HPSE2: variants seen among roughly 807,000 people sequenced by gnomAD.
HPSE2 encodes the protein inactive heparanase-2.
A neutral mutation model predicts 60.5 loss-of-function variants in HPSE2; 38 were observed. The ratio of observed to expected loss-of-function variants is 0.63; its 90% confidence interval spans 0.48 to 0.82. The LOEUF (loss-of-function observed/expected upper bound fraction) is 0.82. HPSE2 is among the 40% of genes least tolerant of loss of function. The probability of loss-of-function intolerance (pLI) is 0.00; values close to 1 mark genes in which losing one functional copy is unlikely to be tolerated. For synonymous variants in HPSE2, 295 were observed against 293.2 expected, an observed-to-expected ratio of 1.01 and a Z score of -0.06; for missense variants, 713 against 740.4, an observed-to-expected ratio of 0.96 and a Z score of 0.43.
At chr10:98,722,679 G>A (rs182119927) in intron 4 of HPSE2, among the ~76,000 whole-genome samples, 1 of 152,190 alleles carries the variant, frequency 6.6e-6, no homozygotes, top group Admixed American at 6.5e-5. Flanking sequence ...CATTACCTTG[G>A]TAGTTCTAAA....
chr10:98,753,381 A>C (rs1949803827), intron 3 of HPSE2, among the ~76,000 whole-genome samples: 1 of 152,140 alleles, frequency 6.6e-6, no homozygotes, highest in Non-Finnish European at 1.5e-5. Context: ...CATATGATTC[A>C]CAATTTCACT....
chr10:98,816,722 C>T (rs1446645803), intron 3 of HPSE2, among the ~76,000 whole-genome samples: 1 of 152,180 alleles, frequency 6.6e-6, no homozygotes, highest in Non-Finnish European at 1.5e-5. Flanking sequence ...CCATAAACAA[C>T]TTTTTGTGAA....
chr10:98,674,675 G>A (rs1353571993), intron 6 of HPSE2, among the ~76,000 whole-genome samples: 1 of 152,192 alleles, frequency 6.6e-6, no homozygotes, highest in Non-Finnish European at 1.5e-5. Context: ...AGCACTTTGG[G>A]AGGCTGAGGT....
At chr10:98,697,552 G>A (rs1005622195) in intron 5 of HPSE2, among the ~76,000 whole-genome samples, 1 of 152,098 alleles carries the variant, frequency 6.6e-6, no homozygotes, top group Non-Finnish European at 1.5e-5. Context: ...TGAAAGAGAC[G>A]GGGAAAATGA....
intron 3 of HPSE2, among the ~76,000 whole-genome samples, chr10:98,999,726 G>A (rs1031769304): frequency 6.6e-6 from 1 of 152,078 alleles, no homozygotes; most frequent in African/African-American, 2.4e-5. Flanking sequence ...AGTGGGCAAC[G>A]AGGAAGCTTG....
At chr10:98,533,913 A>G (rs1338345987) in intron 9 of HPSE2, among the ~76,000 whole-genome samples, 1 of 152,186 alleles carries the variant, frequency 6.6e-6, no homozygotes, top group Non-Finnish European at 1.5e-5. Context: ...TACTGATGTG[A>G]AACAGTTTCA....
chr10:99,011,409 T>C (rs1249175973), intron 3 of HPSE2, among the ~76,000 whole-genome samples: 2 of 152,078 alleles, frequency 1.3e-5, no homozygotes, highest in African/African-American at 2.4e-5. Context: ...AGTTTTTTTT[T>C]CTTAAATATG....
the HPSE2 span, among the ~76,000 whole-genome samples, chr10:99,268,116 T>A: frequency 2.6e-5 from 4 of 152,126 alleles, no homozygotes; most frequent in African/African-American, 9.7e-5. Context: ...GCAGAAACCC[T>A]AAAAGCTAGA....
chr10:98,654,036 T>C (rs1466939667), intron 6 of HPSE2, among the ~76,000 whole-genome samples: 1 of 152,148 alleles, frequency 6.6e-6, no homozygotes, highest in Non-Finnish European at 1.5e-5. Context: ...CATTGTTTCT[T>C]ATGATACTTC....
At chr10:98,543,140 C>T (rs1430469535) in intron 9 of HPSE2, among the ~76,000 whole-genome samples, 1 of 152,122 alleles carries the variant, frequency 6.6e-6, no homozygotes, top group Non-Finnish European at 1.5e-5. Context: ...TTGGCAGAAA[C>T]TCTACAAGCC....
chr10:98,815,163 G>T (rs1262209500), intron 3 of HPSE2, among the ~76,000 whole-genome samples: 1 of 152,088 alleles, frequency 6.6e-6, no homozygotes, highest in Non-Finnish European at 1.5e-5. Context: ...TGCACCTGTG[G>T]TCCCAGTACT....
At chr10:99,218,086 TTATTA>T (rs1849194681) in intron 2 of HPSE2, among the ~76,000 whole-genome samples, 1 of 151,968 alleles carries the variant, frequency 6.6e-6, no homozygotes, top group African/African-American at 2.4e-5. Context: ...ATGGTAGTTA[TTATTA>T]TAATACCTGG....
intron 9 of HPSE2, among the ~76,000 whole-genome samples, chr10:98,571,549 A>C (rs951379723): frequency 3.3e-5 from 5 of 152,252 alleles, no homozygotes; most frequent in Non-Finnish European, 7.3e-5. Flanking sequence ...CAAAAGGAGA[A>C]ACTGAGGAAC....
chr10:98,904,439 G>A (rs1244959456), intron 3 of HPSE2, among the ~76,000 whole-genome samples: 1 of 152,056 alleles, frequency 6.6e-6, no homozygotes, highest in Non-Finnish European at 1.5e-5. Flanking sequence ...AAGATGAAGA[G>A]AAATCTTATT....
intron 3 of HPSE2, among the ~76,000 whole-genome samples, chr10:98,953,163 C>T (rs1257019427): frequency 6.6e-6 from 1 of 152,144 alleles, no homozygotes; most frequent in Non-Finnish European, 1.5e-5. Flanking sequence ...AGCTGGGCTT[C>T]CTTCTGGTAG....
chr10:98,459,317 T>G lies in HPSE2; in HGVS notation c.*257A>C. 2.0e-6 allele frequency: 1 copy of G among 511,858 alleles called. No homozygotes were observed. Among genetic ancestry groups the G allele is most frequent in the Non-Finnish European group, 3.6e-6 (1 of 280,974 alleles). The allele number at this position is 511,858 out of a possible 1,614,324, so 31.7% of individuals were successfully genotyped here. A position where few individuals can be genotyped will look rare whatever the true frequency, so the allele number is the denominator to read the frequency against. On this transcript the variant is annotated 3_prime_UTR_variant, in exon 12 of 12. Transcript: ENST00000370552. The stretch of plus-strand genomic sequence containing the variant: ...TCATAGTGCACATGAAGGGAAACAT[T>G]CTGCTCTATACACATGCCTTTATCC...
Position 98,759,134 on chromosome 10 carries a change from T to C in HPSE2, c.611-15078A>G, listed in dbSNP as rs534971414. Among the ~76,000 whole-genome samples the C allele has an allele frequency of 3.3e-4, 50 of 152,166 alleles. No individual in the cohort carries two copies. The South Asian group carries it at 7.5e-3, about 23-fold the overall frequency. On this transcript the variant is annotated intron_variant, in intron 3 of 11. Coordinates refer to ENST00000370552, the MANE Select transcript of HPSE2 (RefSeq NM_021828.5). ...TCACTGACATGTTATTGCTAAACAC[T>C]GAGTATACATGGACACAAAGAAGGG...
At chr10:99,250,156 A>AG in the HPSE2 span, among the ~76,000 whole-genome samples, 1 of 150,616 alleles carries the variant, frequency 6.6e-6, no homozygotes, top group African/African-American at 2.4e-5. Flanking sequence ...AAAAAAAAAA[A>AG]AAAGTGGGTA....
At chr10:98,656,713 G>A (rs535936021) in intron 6 of HPSE2, among the ~76,000 whole-genome samples, 8 of 150,804 alleles carry the variant, frequency 5.3e-5, no homozygotes, top group Non-Finnish European at 1.0e-4. Flanking sequence ...GAAACATAGA[G>A]TCAAACTTAT....
Sources: allele counts gnomAD v4.1 joint callset (sites outside exome capture counted in the v4.1 genomes callset), GRCh38; gene constraint gnomAD v4.1.1; transcripts MANE v1.5; gene names NCBI Gene and HGNC (gene_info 2026-07-23, HGNC 2026-07-21).